CMTM8: variants seen among roughly 807,000 people sequenced by gnomAD.
CMTM8 encodes the protein CKLF like MARVEL transmembrane domain containing 8, also known as CKLF-like MARVEL transmembrane domain-containing protein 8.
A neutral mutation model predicts 18.6 loss-of-function variants in CMTM8; 12 were observed. That is an observed-to-expected ratio of 0.65 (90% CI 0.41 to 1.05). CMTM8 has a LOEUF of 1.05. Ranked by LOEUF, CMTM8 falls within the 50% of genes least tolerant of loss-of-function variation. The pLI is 0.00. For missense variants in CMTM8, 217 were observed against 227.2 expected (o/e 0.95, Z 0.29); for synonymous variants, 87 against 90.6 (o/e 0.96, Z 0.23).
At chr3:32,354,798 C>T (rs1696783410) in intron 1 of CMTM8, among the ~76,000 whole-genome samples, 1 of 152,208 alleles carries the variant, frequency 6.6e-6, no homozygotes, top group Admixed American at 6.5e-5. Context: ...TATTACCAGT[C>T]TTACTGATCC....
intron 1 of CMTM8, 22 bp downstream of exon 1, chr3:32,239,141 G>A (rs1417444354): frequency 1.3e-6 from 2 of 1,581,076 alleles, no homozygotes; most frequent in East Asian, 4.7e-5. Flanking sequence ...CGGGCCGGGG[G>A]TGGCGGGGGG....
intron 1 of CMTM8, among the ~76,000 whole-genome samples, chr3:32,292,916 T>G (rs990233704): frequency 4.6e-5 from 7 of 152,158 alleles, no homozygotes; most frequent in Non-Finnish European, 1.0e-4. Flanking sequence ...CCCTTTTCCT[T>G]GAGCAATCTA....
chr3:32,287,234 A>AT (rs573430399), intron 1 of CMTM8, among the ~76,000 whole-genome samples: 1 of 152,224 alleles, frequency 6.6e-6, no homozygotes, highest in Non-Finnish European at 1.5e-5. Flanking sequence ...TTGAATCTAC[A>AT]TAAGGTAAGA....
Position 32,328,505 on chromosome 3 carries a change from G to A in CMTM8, c.148-28868G>A, listed in dbSNP as rs146400614. 6.3e-3 allele frequency among the ~76,000 whole-genome samples: 818 copies of A among 128,956 alleles called. 6 individuals carry two copies. Among genetic ancestry groups the A allele is most frequent in the African/African-American group, 0.022 (760 of 35,316 alleles). The allele number at this position is 128,956 out of a possible 152,430, so 84.6% of individuals were successfully genotyped here. On this transcript the variant is annotated intron_variant, in intron 1 of 3. Coordinates refer to ENST00000307526, the MANE Select transcript of CMTM8 (RefSeq NM_178868.5). Reference sequence around the variant, plus strand: ...CGTGCCGCTGCAGTGAGCTCTGATCGTGCCACTGCACTCCAGCCTTGGCAA... The same window carrying A: ...CGTGCCGCTGCAGTGAGCTCTGATCATGCCACTGCACTCCAGCCTTGGCAA...
At chr3:32,365,314 AG>A (rs1330798899) in intron 2 of CMTM8, among the ~76,000 whole-genome samples, 3 of 151,286 alleles carry the variant, frequency 2.0e-5, no homozygotes, top group Non-Finnish European at 4.4e-5. Context: ...AAAAAAAAAA[AG>A]AGAGAAAGAG....
At chr3:32,313,736 C>T (rs1047090529) in intron 1 of CMTM8, among the ~76,000 whole-genome samples, 7 of 152,172 alleles carry the variant, frequency 4.6e-5, no homozygotes, top group Non-Finnish European at 8.8e-5. Flanking sequence ...GTAACTGATA[C>T]ACTTTGCAAA....
At chr3:32,319,447 A>G (rs189716218) in intron 1 of CMTM8, among the ~76,000 whole-genome samples, 226 of 151,248 alleles carry the variant, frequency 1.5e-3, no homozygotes, top group African/African-American at 5.2e-3. Context: ...CTCTCTCCCT[A>G]TGCCCCCACA....
chr3:32,254,184 G>T (rs1171018332), intron 1 of CMTM8, among the ~76,000 whole-genome samples: 2 of 152,210 alleles, frequency 1.3e-5, no homozygotes, highest in East Asian at 3.8e-4. Flanking sequence ...GTGAGCCACT[G>T]CACCCGGCCT....
At chr3:32,240,891 G>C (rs1201375767) in intron 1 of CMTM8, among the ~76,000 whole-genome samples, 1 of 152,064 alleles carries the variant, frequency 6.6e-6, no homozygotes, top group Admixed American at 6.6e-5. Flanking sequence ...GGGCTCAAGC[G>C]ATCTTCCCAT....
intron 2 of CMTM8, among the ~76,000 whole-genome samples, chr3:32,366,754 T>C (rs898429033): frequency 4.0e-5 from 4 of 99,050 alleles, no homozygotes; most frequent in Admixed American, 2.0e-4. Context: ...CACAGATGTG[T>C]TTCTAGACCA....
chr3:32,325,064 C>A (rs1393974168), intron 1 of CMTM8, among the ~76,000 whole-genome samples: 1 of 152,212 alleles, frequency 6.6e-6, no homozygotes, highest in African/African-American at 2.4e-5. Flanking sequence ...GCAGTCAGAG[C>A]ACCCCTCTTG....
At chr3:32,239,498 T>C (rs1376842584) in intron 1 of CMTM8, among the ~76,000 whole-genome samples, 1 of 151,998 alleles carries the variant, frequency 6.6e-6, no homozygotes, top group Non-Finnish European at 1.5e-5. Flanking sequence ...TCCCTGAAAA[T>C]AAAGCTTCCT....
intron 1 of CMTM8, among the ~76,000 whole-genome samples, chr3:32,263,959 C>T (rs1031302022): frequency 6.6e-6 from 1 of 152,064 alleles, no homozygotes; most frequent in Admixed American, 6.5e-5. Flanking sequence ...GTGAAAAGAC[C>T]AAATCTATGT....
chr3:32,243,694 G>A (rs1337966640), intron 1 of CMTM8, among the ~76,000 whole-genome samples: 1 of 152,266 alleles, frequency 6.6e-6, no homozygotes, highest in Non-Finnish European at 1.5e-5. Flanking sequence ...GTGGTTGAAT[G>A]CATTTGACCT....
At chr3:32,324,009 AG>A (rs1191974284) in intron 1 of CMTM8, among the ~76,000 whole-genome samples, 1 of 152,238 alleles carries the variant, frequency 6.6e-6, no homozygotes, top group Admixed American at 6.5e-5. Context: ...GGGTGGAAGA[AG>A]GAGTAAATGA....
intron 1 of CMTM8, among the ~76,000 whole-genome samples, chr3:32,251,779 ATT>A (rs201903410): frequency 6.8e-6 from 1 of 146,422 alleles, no homozygotes. Context: ...ATATAGGGGA[ATT>A]TTTTTTTTTT....
At chr3:32,329,710 C>T (rs1448678993) in intron 1 of CMTM8, among the ~76,000 whole-genome samples, 2 of 152,176 alleles carry the variant, frequency 1.3e-5, no homozygotes, top group Non-Finnish European at 2.9e-5. Flanking sequence ...AGGAATAGGG[C>T]AAGGATGTCT....
chr3:32,360,628 G>A (rs939374063), intron 2 of CMTM8, among the ~76,000 whole-genome samples: 7 of 152,182 alleles, frequency 4.6e-5, no homozygotes, highest in African/African-American at 9.6e-5. Flanking sequence ...CCCAACTGTC[G>A]TGTCCCAGCA....
At chr3:32,338,108 T>C (rs1347030755) in intron 1 of CMTM8, among the ~76,000 whole-genome samples, 1 of 151,726 alleles carries the variant, frequency 6.6e-6, no homozygotes, top group Non-Finnish European at 1.5e-5. Flanking sequence ...CTTAGCCTCC[T>C]GAGTAGCTAG....
Sources: allele counts gnomAD v4.1 joint callset (sites outside exome capture counted in the v4.1 genomes callset), GRCh38; gene constraint gnomAD v4.1.1; transcripts MANE v1.5; gene names NCBI Gene and HGNC (gene_info 2026-07-23, HGNC 2026-07-21).